DRC11L: variants seen among roughly 807,000 people sequenced by gnomAD.
DRC11L encodes the protein dynein regulatory complex subunit like-11.
At chr7:151,196,486 C>A in the DRC11L span, 2 of 399,434 alleles carry the variant, frequency 5.0e-6, no homozygotes, top group South Asian at 1.3e-4. Context: ...TTCCTCTTCT[C>A]CTCCCGGAGG....
chr7:151,194,602 G>A, the DRC11L span: 2 of 399,378 alleles, frequency 5.0e-6, no homozygotes, highest in Admixed American at 4.4e-5. Context: ...CACAGACCTG[G>A]CAGAGGATGG....
chr7:151,202,248 G>T, the DRC11L span, among the ~76,000 whole-genome samples: 1 of 152,130 alleles, frequency 6.6e-6, no homozygotes, highest in Non-Finnish European at 1.5e-5. Context: ...TAGTTTCCAG[G>T]AGGCTCAGGA....
chr7:151,195,581 A>G, the DRC11L span: 9 of 380,060 alleles, frequency 2.4e-5, no homozygotes, highest in Admixed American at 4.8e-5. Flanking sequence ...TTGCCTTTGG[A>G]GCCCTCAGGG....
At chr7:151,203,963 C>T in the DRC11L span, among the ~76,000 whole-genome samples, 1 of 152,164 alleles carries the variant, frequency 6.6e-6, no homozygotes, top group Admixed American at 6.5e-5. Flanking sequence ...CTGGAGGCGC[C>T]GCAGAAGCTC....
the DRC11L span, chr7:151,200,356 CCA>C: frequency 5.0e-6 from 2 of 399,084 alleles, no homozygotes; most frequent in Non-Finnish European, 8.8e-6. Flanking sequence ...GTTCCAGGAC[CCA>C]CCATGGTGGG....
the DRC11L span, chr7:151,194,164 A>G: frequency 2.5e-6 from 1 of 394,144 alleles, no homozygotes; most frequent in African/African-American, 2.1e-5. Flanking sequence ...CAGGCTGGAC[A>G]TGTCCACCTC....
the DRC11L span, among the ~76,000 whole-genome samples, chr7:151,199,481 C>T: frequency 7.2e-5 from 11 of 152,206 alleles, no homozygotes; most frequent in Non-Finnish European, 1.3e-4. The surrounding 1 kb of genome is among the most constrained non-coding windows in gnomAD (Gnocchi z 5.2). Flanking sequence ...CACCCACTGC[C>T]GTGCACGGAC....
the DRC11L span, chr7:151,204,710 G>A: frequency 2.5e-6 from 1 of 398,920 alleles, no homozygotes; most frequent in Admixed American, 4.4e-5. Flanking sequence ...AGTGCAGGTA[G>A]AGCGATGCGA....
the DRC11L span, chr7:151,204,649 G>A: frequency 9.0e-5 from 36 of 399,218 alleles, no homozygotes; most frequent in East Asian, 1.2e-3. Flanking sequence ...CGCTTCTGCG[G>A]CTGCACCATC....
the DRC11L span, chr7:151,194,145 T>C: frequency 7.7e-6 from 3 of 390,956 alleles, no homozygotes; most frequent in Admixed American, 4.5e-5. Flanking sequence ...GACCTGGGGC[T>C]TGGAGGCCCA....
the DRC11L span, chr7:151,197,105 A>C: frequency 1.0e-5 from 4 of 397,794 alleles, no homozygotes; most frequent in Non-Finnish European, 1.8e-5. Context: ...CCTAGCACAG[A>C]CTCTGGCCCT....
At chr7:151,200,672 C>G in the DRC11L span, among the ~76,000 whole-genome samples, 2 of 152,036 alleles carry the variant, frequency 1.3e-5, no homozygotes, top group Non-Finnish European at 2.9e-5. Context: ...GCCCCAGGGC[C>G]CCCCAGGGAT....
At chr7:151,197,338 T>C in the DRC11L span, 143 of 399,116 alleles carry the variant, frequency 3.6e-4, 1 homozygote, top group Middle Eastern at 4.4e-3. Flanking sequence ...CTGTGACCAA[T>C]GACCCAAGAC....
the DRC11L span, among the ~76,000 whole-genome samples, chr7:151,195,213 G>A: frequency 6.6e-6 from 1 of 152,140 alleles, no homozygotes; most frequent in Non-Finnish European, 1.5e-5. Flanking sequence ...TGCATCTCAC[G>A]TACAGAGCCC....
chr7:151,196,499 C>A, the DRC11L span: 1 of 399,682 alleles, frequency 2.5e-6, no homozygotes, highest in Non-Finnish European at 4.4e-6. Context: ...CCCGGAGGGT[C>A]TCGGAGTCAT....
chr7:151,202,915 T>A, the DRC11L span: 2 of 399,834 alleles, frequency 5.0e-6, no homozygotes, highest in African/African-American at 4.1e-5. Context: ...GGTTACCTTC[T>A]GTATGGTGAC....
At chr7:151,198,328 G>A in the DRC11L span, among the ~76,000 whole-genome samples, 1 of 152,132 alleles carries the variant, frequency 6.6e-6, no homozygotes, top group East Asian at 1.9e-4. Context: ...GTAGGTGGAT[G>A]GGCAGATGGA....
At chr7:151,191,017 T>C in the DRC11L span, 2 of 400,234 alleles carry the variant, frequency 5.0e-6, no homozygotes, top group Non-Finnish European at 8.8e-6. Flanking sequence ...CAGCTTGGCC[T>C]CCTCGGCCTC....
the DRC11L span, chr7:151,192,399 G>C: frequency 2.0e-3 from 800 of 399,374 alleles, 6 homozygotes; most frequent in African/African-American, 0.014. Context: ...CGGTCTCCGG[G>C]AGTCAGCAGC....
Sources: allele counts gnomAD v4.1 joint callset (sites outside exome capture counted in the v4.1 genomes callset), GRCh38; gene constraint gnomAD v4.1.1; non-coding constraint Gnocchi (gnomAD v3.1); transcripts MANE v1.5; gene names NCBI Gene and HGNC (gene_info 2026-07-23, HGNC 2026-07-21).